Variants in MIOS observed in about 807,000 individuals in gnomAD.
MIOS encodes the protein meiosis regulator for oocyte development.
A neutral mutation model predicts 96.9 loss-of-function variants in MIOS; 52 were observed. The observed-to-expected ratio is 0.54, with a 90% confidence interval of 0.43 to 0.68. The LOEUF (loss-of-function observed/expected upper bound fraction) is 0.68. Among genes scored for constraint, MIOS ranks in the 30% least tolerant of loss-of-function variants. The pLI, the probability that MIOS is intolerant of heterozygous loss-of-function variation, is 0.00. For missense variants in MIOS, 1,005 were observed against 1,052.8 expected, an observed-to-expected ratio of 0.95 and a Z score of 0.63; for synonymous variants, 397 against 359.5, an observed-to-expected ratio of 1.10 and a Z score of -1.18.
Position 7,585,629 on chromosome 7 carries a change from T to C in MIOS, c.1649-7T>C. 3.2e-6 allele frequency: 5 copies of C among 1,567,974 alleles called. No individual in the cohort carries two copies. The highest frequency in any genetic ancestry group is 4.3e-6 in the Non-Finnish European group (5 of 1,158,278). ...ACTTTGATTAGCTGGCTGTTTTTAA[T>C]ATGCAGGAGATCTGAATCTCAATGT... On this transcript the variant is annotated splice_region_variant and splice_polypyrimidine_tract_variant and intron_variant, in intron 6 of 12. Transcript: ENST00000340080.
chr7:7,585,108 C>A (rs535468843), intron 6 of MIOS, among the ~76,000 whole-genome samples: 2 of 152,202 alleles, frequency 1.3e-5, no homozygotes, highest in African/African-American at 2.4e-5. Flanking sequence ...ATATTGCAGT[C>A]TTGAGATGCA....
At chr7:7,597,755 G>T (rs1379761567) in intron 11 of MIOS, among the ~76,000 whole-genome samples, 1 of 151,680 alleles carries the variant, frequency 6.6e-6, no homozygotes, top group African/African-American at 2.4e-5. Flanking sequence ...ATAGAATGCA[G>T]TGGCATGATC....
Position 7,573,384 on chromosome 7 carries a change from T to A in MIOS, c.909T>A (p.Thr303=), listed in dbSNP as rs754888474. The A allele has an allele frequency of 1.2e-6, 2 of 1,614,052 alleles. No homozygotes were observed. The highest frequency in any genetic ancestry group is 1.7e-6 in the Non-Finnish European group (2 of 1,179,928). The change falls in exon 4 of 13, where the codon ACT becomes ACA. Residue 303 remains threonine (T), a synonymous_variant. Transcript: ENST00000340080. The surrounding 1 kb of genome is among the most constrained non-coding windows in gnomAD (Gnocchi z 5.0). ...TGTATGATATGCAGCATACACCCAC[T>A]CCCATTGGGGATGAAACTGAACCCA... is the stretch of plus-strand genomic sequence containing the variant. ...IRLYDMQHTP[T]PIGDETEPTI...
intron 11 of MIOS, among the ~76,000 whole-genome samples, chr7:7,603,850 G>A (rs1174018024): frequency 6.6e-6 from 1 of 151,750 alleles, no homozygotes. Flanking sequence ...AAGAAAATGT[G>A]GCACATATAC....
intron 8 of MIOS, 98 bp from the exon 9 acceptor site, chr7:7,589,307 G>A (rs1409999577): frequency 3.8e-6 from 4 of 1,044,092 alleles, no homozygotes; most frequent in South Asian, 4.0e-5. Flanking sequence ...GTTTTAAAAT[G>A]TTTTCCATTA....
chr7:7,603,442 C>G (rs1784436122), intron 11 of MIOS, among the ~76,000 whole-genome samples: 1 of 152,086 alleles, frequency 6.6e-6, no homozygotes, highest in Non-Finnish European at 1.5e-5. Context: ...ATTTATGCAG[C>G]CAAAAAACAC....
intron 3 of MIOS, among the ~76,000 whole-genome samples, chr7:7,570,925 C>A (rs952651612): frequency 6.6e-6 from 1 of 152,114 alleles, no homozygotes; most frequent in Non-Finnish European, 1.5e-5. Flanking sequence ...GTTGGGGACC[C>A]CTGGTCTAAA....
intron 3 of MIOS, among the ~76,000 whole-genome samples, chr7:7,569,167 T>G (rs892120113): frequency 2.6e-5 from 4 of 152,262 alleles, no homozygotes; most frequent in African/African-American, 9.6e-5. Flanking sequence ...TGTGGGGGTA[T>G]GAGTATGAAC....
rs2115520361 is a variant in MIOS at position 7,607,367 on chromosome 7, T to G, written c.*275T>G. 8.0e-6 allele frequency: 2 copies of G among 248,540 alleles called. No homozygotes were observed. Among genetic ancestry groups the G allele is most frequent in the South Asian group, 8.0e-5 (1 of 12,562 alleles). 15.4% of individuals were successfully genotyped at this position (248,540 alleles called of 1,614,324 possible). On this transcript the variant is annotated 3_prime_UTR_variant, in exon 13 of 13. Coordinates refer to ENST00000340080, the MANE Select transcript of MIOS (RefSeq NM_019005.4). Reference sequence around the variant, plus strand: ...AAACTTTCTAAGTTTTGGTTGAAATTATGAACACTCTAGAAGCAGAATTTC... The same window carrying G: ...AAACTTTCTAAGTTTTGGTTGAAATGATGAACACTCTAGAAGCAGAATTTC...
At chr7:7,578,714 T>G (rs1413076415) in intron 5 of MIOS, among the ~76,000 whole-genome samples, 1 of 149,078 alleles carries the variant, frequency 6.7e-6, no homozygotes, top group Admixed American at 6.7e-5. Flanking sequence ...AAATCCTAAT[T>G]TTTTTTTTTT....
intron 3 of MIOS, among the ~76,000 whole-genome samples, chr7:7,571,319 C>T (rs1563011585): frequency 6.6e-6 from 1 of 151,898 alleles, no homozygotes; most frequent in African/African-American, 2.4e-5. Context: ...TTATTTTTTT[C>T]AAAAATTCTA....
intron 5 of MIOS, among the ~76,000 whole-genome samples, chr7:7,582,398 TATC>T (rs1366863113): frequency 6.6e-6 from 1 of 152,184 alleles, no homozygotes; most frequent in Non-Finnish European, 1.5e-5. Flanking sequence ...TGGCACTAAG[TATC>T]ATCCTAAGTG....
At chr7:7,594,917 C>T (rs1488166928) in intron 9 of MIOS, 63 bp from the exon 10 acceptor site, 17 of 1,320,306 alleles carry the variant, frequency 1.3e-5, no homozygotes, top group Non-Finnish European at 1.7e-5. Flanking sequence ...ACATGCTACC[C>T]AGAAGTCTCT....
At chr7:7,577,090 T>C (rs1783559784) in intron 5 of MIOS, among the ~76,000 whole-genome samples, 1 of 152,206 alleles carries the variant, frequency 6.6e-6, no homozygotes, top group Non-Finnish European at 1.5e-5. Flanking sequence ...AAATAAATGA[T>C]ATTTGATAGA....
rs755747521 is a variant in MIOS, at chr7:7,573,190, C to T, written c.715C>T (p.Arg239Cys). ...GACGGTAGACCCATATTTCCACGATCGTGTTGCTTCCTTCTATGAAGGTCA... is the reference window on the plus strand; with the variant it reads ...GACGGTAGACCCATATTTCCACGATTGTGTTGCTTCCTTCTATGAAGGTCA... Reference protein sequence around the residue: ...GVTVDPYFHDRVASFYEGQVA... With the variant: ...GVTVDPYFHDCVASFYEGQVA... Residue 239 changes from arginine (R) to cysteine (C), a missense_variant, in exon 4 of 13, where the codon CGT (arginine) becomes TGT (cysteine). Physicochemically the swap from Arg to Cys is radical, Grantham distance 180. This residue lies in a region of MIOS where 865 missense variants were observed against 887.9 expected (regional missense o/e 0.97). Coordinates refer to ENST00000340080, the MANE Select transcript of MIOS (RefSeq NM_019005.4). This position sits in a 1 kb window ranked among gnomAD's most constrained non-coding sequence, Gnocchi z 5.0. 1.2e-6 allele frequency: 2 copies of T among 1,614,084 alleles called. No individual in the cohort carries two copies. Among genetic ancestry groups the T allele is most frequent in the South Asian group, 1.1e-5 (1 of 91,076 alleles).
intron 6 of MIOS, 52 bp from the exon 7 acceptor site, chr7:7,585,582 AAG>A: frequency 1.4e-6 from 2 of 1,442,938 alleles, no homozygotes; most frequent in Non-Finnish European, 1.9e-6. Context: ...AGAAATGTAG[AAG>A]AGATATTAAG....
intron 3 of MIOS, among the ~76,000 whole-genome samples, chr7:7,571,007 A>C (rs76782942): frequency 0.1 from 15,337 of 152,224 alleles, 854 homozygotes; most frequent in Middle Eastern, 0.23. Context: ...AAGAAAAGCA[A>C]TTATGTTTGA....
At chr7:7,597,789 A>ACTGCCTC (rs889551121) in intron 11 of MIOS, among the ~76,000 whole-genome samples, 2 of 151,618 alleles carry the variant, frequency 1.3e-5, no homozygotes, top group East Asian at 2.0e-4. Flanking sequence ...ACCTCTGCCT[A>ACTGCCTC]CTGCCTCCTG....
chr7:7,572,650 G>C lies in MIOS; in HGVS notation c.175G>C (p.Asp59His). 6.2e-7 allele frequency: 1 copy of C among 1,614,140 alleles called. No individual in the cohort carries two copies. Among genetic ancestry groups the C allele is most frequent in the Non-Finnish European group, 8.5e-7 (1 of 1,180,004 alleles). The part of the protein sequence containing the change: ...SAATLLSINS[D>H]TPYMKCVAWY... ...AGCTACATTACTGTCAATAAATTCA[G>C]ATACACCCTATATGAAATGTGTTGC... Residue 59 changes from aspartate to histidine, a missense_variant, in exon 4 of 13, where the codon GAT (aspartate) becomes CAT (histidine). By Grantham distance (81) the Asp-to-His change is moderately conservative. Around this residue, in one of 3 missense-constraint regions of MIOS, gnomAD observed 137 missense variants for 148.6 expected, o/e 0.92. Coordinates refer to ENST00000340080, the MANE Select transcript of MIOS (RefSeq NM_019005.4). The surrounding 1 kb of genome is among the most constrained non-coding windows in gnomAD (Gnocchi z 4.8).
Sources: gnomAD v4.1 joint callset for allele counts (sites outside exome capture counted in the v4.1 genomes callset) on GRCh38, gnomAD v4.1.1 for gene constraint, gnomAD v4.1.1 regional missense constraint, Gnocchi (gnomAD v3.1) non-coding constraint, MANE v1.5 for transcripts, NCBI Gene and HGNC (gene_info 2026-07-23, HGNC 2026-07-21) for gene names.